Variants in NWD2 observed in about 807,000 individuals in gnomAD.
NWD2 encodes the protein NACHT and WD repeat domain containing 2.
In NWD2, 37 loss-of-function variants were observed where a neutral mutation model predicts 132.7. The ratio of observed to expected loss-of-function variants is 0.28; its 90% CI spans 0.21 to 0.37. NWD2 has a LOEUF of 0.37. Among genes scored for constraint, NWD2 ranks in the 10% least tolerant of loss-of-function variants. The pLI, the probability that NWD2 is intolerant of heterozygous loss-of-function variation, is 1.00. For synonymous variants in NWD2, 705 were observed against 803.0 expected, an observed-to-expected ratio of 0.88 and a Z score of 2.06; for missense variants, 1,592 against 2,122.4, an observed-to-expected ratio of 0.75 and a Z score of 4.91.
chr4:37,326,288 A>G (rs1247191296), intron 2 of NWD2, among the ~76,000 whole-genome samples: 1 of 151,934 alleles, frequency 6.6e-6, no homozygotes, highest in Non-Finnish European at 1.5e-5. Context: ...TGCTTTTTTG[A>G]CGGTCTCCAC....
chr4:37,313,842 G>A lies in NWD2; in HGVS notation c.152-12094G>A, dbSNP rs568309601. The stretch of plus-strand genomic sequence containing the variant: ...GCCTCCTGAGTAGCTGGGATTACAG[G>A]CACCTGCCCACACGCCCTCCTAATT... On this transcript the variant is annotated intron_variant, in intron 1 of 6. Coordinates refer to ENST00000309447, the MANE Select transcript of NWD2 (RefSeq NM_001144990.2). Among the ~76,000 whole-genome samples the A allele has an allele frequency of 1.8e-4, 27 of 150,986 alleles. 3 individuals are homozygous for A. The highest frequency in any genetic ancestry group is 6.7e-4 in the African/African-American group (27 of 40,358).
At chr4:37,251,600 A>T (rs745828857) in intron 1 of NWD2, among the ~76,000 whole-genome samples, 3 of 152,172 alleles carry the variant, frequency 2.0e-5, no homozygotes, top group South Asian at 2.1e-4. Flanking sequence ...GCAGAAACAC[A>T]TTTGTTGAAA....
rs1183939747 is a variant in NWD2 at position 37,291,037 on chromosome 4, C to CA, written c.152-34898dup. On this transcript the variant is annotated intron_variant, in intron 1 of 6. Transcript: ENST00000309447. The stretch of plus-strand genomic sequence containing the variant: ...CCCTGAGAGCAAACCTAAAAGGAAT[C>CA]ATGGGAATCCTTTGACCAAAGGTCT... Among the ~76,000 whole-genome samples the CA allele has an allele frequency of 2.0e-5, 3 of 152,264 alleles. No homozygotes were observed. In the East Asian group the frequency reaches 5.8e-4, roughly 29 times the overall value.
intron 3 of NWD2, among the ~76,000 whole-genome samples, chr4:37,372,018 T>C (rs1720238370): frequency 6.6e-6 from 1 of 152,212 alleles, no homozygotes; most frequent in Non-Finnish European, 1.5e-5. Flanking sequence ...AGGCAATTAG[T>C]ATCATTTTTA....
intron 2 of NWD2, among the ~76,000 whole-genome samples, chr4:37,337,381 GGTCC>G (rs1391315461): frequency 6.6e-6 from 1 of 151,998 alleles, no homozygotes; most frequent in African/African-American, 2.4e-5. Flanking sequence ...TCCATGTGCT[GGTCC>G]CAGCCCTTTT....
intron 1 of NWD2, among the ~76,000 whole-genome samples, chr4:37,311,868 C>G (rs1718849964): frequency 1.3e-5 from 2 of 150,548 alleles, no homozygotes; most frequent in Admixed American, 1.3e-4. Context: ...TTTCCCAGCA[C>G]CATTTATTAA....
chr4:37,307,465 G>A (rs1718732802), intron 1 of NWD2, among the ~76,000 whole-genome samples: 1 of 152,104 alleles, frequency 6.6e-6, no homozygotes, highest in Non-Finnish European at 1.5e-5. Context: ...TTCTCTCCAT[G>A]CCTGTAAGGT....
intron 2 of NWD2, among the ~76,000 whole-genome samples, chr4:37,346,590 G>T (rs1392536249): frequency 6.6e-6 from 1 of 152,084 alleles, no homozygotes; most frequent in African/African-American, 2.4e-5. Flanking sequence ...TGAATCTGTA[G>T]GTTAATTTGG....
At chr4:37,330,367 A>G (rs1269752446) in intron 2 of NWD2, among the ~76,000 whole-genome samples, 3 of 152,172 alleles carry the variant, frequency 2.0e-5, no homozygotes, top group African/African-American at 7.2e-5. Context: ...TTTGATTTGC[A>G]GGTATTTACT....
intron 4 of NWD2, 77 bp from the exon 5 acceptor site, chr4:37,433,799 T>TA: frequency 8.2e-7 from 1 of 1,217,286 alleles, no homozygotes; most frequent in Non-Finnish European, 1.1e-6. Context: ...CTTCAAATAA[T>TA]AGAAATTTTC....
intron 3 of NWD2, among the ~76,000 whole-genome samples, chr4:37,381,839 A>AT: frequency 6.6e-6 from 1 of 152,164 alleles, no homozygotes; most frequent in South Asian, 2.1e-4. Context: ...TTAAAAATCA[A>AT]TGTTCCAAAG....
intron 2 of NWD2, among the ~76,000 whole-genome samples, chr4:37,352,585 G>A (rs984493294): frequency 3.3e-5 from 5 of 152,090 alleles, no homozygotes; most frequent in African/African-American, 9.7e-5. Flanking sequence ...GTTAGCTCTC[G>A]TTGCATTGAT....
intron 1 of NWD2, among the ~76,000 whole-genome samples, chr4:37,253,011 C>T (rs1161066420): frequency 1.4e-5 from 2 of 148,060 alleles, no homozygotes; most frequent in Non-Finnish European, 3.0e-5. Context: ...ACCCCCCCCC[C>T]TTATGTTTTG....
intron 3 of NWD2, among the ~76,000 whole-genome samples, chr4:37,405,420 GTAATAGAATAGAATAGAATAGAATA>G (rs1720979129): frequency 7.2e-6 from 1 of 138,746 alleles, no homozygotes; most frequent in Non-Finnish European, 1.5e-5. Flanking sequence ...TTAGTTGAAT[GTAATAGAATAGAATAGAATAGAATA>G]GAATAGAATA....
chr4:37,341,509 G>A (rs1295260094), intron 2 of NWD2, among the ~76,000 whole-genome samples: 1 of 152,180 alleles, frequency 6.6e-6, no homozygotes, highest in Non-Finnish European at 1.5e-5. Context: ...GCCAGAGCAC[G>A]AACAATGAAG....
intron 1 of NWD2, among the ~76,000 whole-genome samples, chr4:37,308,057 C>A (rs904893129): frequency 6.6e-6 from 1 of 152,070 alleles, no homozygotes; most frequent in African/African-American, 2.4e-5. Context: ...TTTCTGAGTT[C>A]CCTAAGGTCA....
chr4:37,360,128 A>G (rs1034993852), intron 3 of NWD2, among the ~76,000 whole-genome samples: 2 of 152,158 alleles, frequency 1.3e-5, no homozygotes, highest in African/African-American at 4.8e-5. Flanking sequence ...AATATGGGAA[A>G]ATAATAACAA....
At chr4:37,343,322 A>C (rs1719566699) in intron 2 of NWD2, among the ~76,000 whole-genome samples, 1 of 152,216 alleles carries the variant, frequency 6.6e-6, no homozygotes, top group East Asian at 1.9e-4. Flanking sequence ...CTTGCTGTTC[A>C]AAGCTTTCTG....
intron 3 of NWD2, among the ~76,000 whole-genome samples, chr4:37,384,002 G>C (rs1445561689): frequency 2.6e-5 from 4 of 151,546 alleles, no homozygotes; most frequent in African/African-American, 9.7e-5. Flanking sequence ...AGGACGTGCC[G>C]GTCTGTTACA....
Sources: allele counts gnomAD v4.1 joint callset (sites outside exome capture counted in the v4.1 genomes callset), GRCh38; gene constraint gnomAD v4.1.1; transcripts MANE v1.5; gene names NCBI Gene and HGNC (gene_info 2026-07-23, HGNC 2026-07-21).